The following PTPRD variants were observed in gnomAD, a reference collection of about 807,000 sequenced individuals.
PTPRD encodes receptor-type tyrosine-protein phosphatase delta.
PTPRD carries 34 observed loss-of-function variants against 214.5 expected under a neutral mutation model. The observed-to-expected ratio is 0.16, with a 90% CI of 0.12 to 0.21. The LOEUF is 0.21. Among genes scored for constraint, PTPRD ranks in the 10% least tolerant of loss-of-function variants. The pLI is 1.00. For synonymous variants in PTPRD, 1,128 were observed against 845.7 expected, an observed-to-expected ratio of 1.33 and a Z score of -5.79; for missense variants, 2,545 against 2,398.7, an observed-to-expected ratio of 1.06 and a Z score of -1.27.
intron 19 of PTPRD, among the ~76,000 whole-genome samples, 190 bp downstream of exon 19, chr9:8,523,323 T>A (rs1301918039): frequency 2.6e-5 from 4 of 151,944 alleles, no homozygotes. Flanking sequence ...AGGTACATTC[T>A]CTCCCACCAT....
chr9:10,565,867 G>A (rs2065447684), intron 2 of PTPRD, among the ~76,000 whole-genome samples: 1 of 151,640 alleles, frequency 6.6e-6, no homozygotes, highest in East Asian at 1.9e-4. Context: ...CACACAGTAT[G>A]TATAATACAT....
chr9:9,537,599 C>T (rs1385040980), intron 8 of PTPRD, among the ~76,000 whole-genome samples: 3 of 151,922 alleles, frequency 2.0e-5, no homozygotes, highest in Non-Finnish European at 4.4e-5. Context: ...GGTGCCTGTT[C>T]TTAGACTAAG....
At chr9:9,583,457 G>A (rs1352526184) in intron 7 of PTPRD, among the ~76,000 whole-genome samples, 1 of 151,952 alleles carries the variant, frequency 6.6e-6, no homozygotes, top group African/African-American at 2.4e-5. Context: ...AACGTCCTCT[G>A]AACCCTTTTT....
chr9:10,463,411 T>C (rs547353095), intron 2 of PTPRD, among the ~76,000 whole-genome samples: 20 of 152,142 alleles, frequency 1.3e-4, no homozygotes, highest in African/African-American at 4.6e-4. Flanking sequence ...ATGACAGATA[T>C]TGAAAACACA....
At chr9:8,870,848 C>A (rs539220522) in intron 11 of PTPRD, among the ~76,000 whole-genome samples, 1 of 152,242 alleles carries the variant, frequency 6.6e-6, no homozygotes, top group Middle Eastern at 3.4e-3. Context: ...TCTCTCAGAA[C>A]TTTACCCTCT....
chr9:9,749,150 C>G (rs1008529803), intron 6 of PTPRD, among the ~76,000 whole-genome samples: 2 of 152,094 alleles, frequency 1.3e-5, no homozygotes, highest in Non-Finnish European at 2.9e-5. Context: ...CCACTTCAGC[C>G]CCCTCTTGAC....
At chr9:10,478,778 A>T (rs575727911) in intron 2 of PTPRD, among the ~76,000 whole-genome samples, 1 of 151,730 alleles carries the variant, frequency 6.6e-6, no homozygotes, top group South Asian at 2.1e-4. Context: ...GTTGAGGAAA[A>T]TTTCAGAAAC....
At chr9:10,116,003 T>C (rs2098727927) in intron 3 of PTPRD, among the ~76,000 whole-genome samples, 1 of 152,094 alleles carries the variant, frequency 6.6e-6, no homozygotes, top group South Asian at 2.1e-4. Context: ...ATGAATGACT[T>C]AGATATAGGC....
intron 9 of PTPRD, among the ~76,000 whole-genome samples, chr9:9,352,659 T>C (rs1207235306): frequency 6.6e-6 from 1 of 151,844 alleles, no homozygotes; most frequent in Non-Finnish European, 1.5e-5. Flanking sequence ...ATTTACCAAA[T>C]ATGAATGTAG....
At position 8,487,103 on chromosome 9, in the gene PTPRD, T is replaced by C. The variant is rs977726804; in HGVS notation, c.2468-754A>G. On this transcript the variant is annotated intron_variant, in intron 27 of 45. Transcript: ENST00000381196. ...TTCATCAAGTTCTTCATCTGTAAAA[T>C]GGGAATTATATTAAGAGCTATTTTA... 2.0e-5 allele frequency among the ~76,000 whole-genome samples: 3 copies of C among 152,202 alleles called. No homozygotes were observed. In the South Asian group the frequency reaches 6.2e-4, roughly 31 times the overall value.
chr9:9,531,138 A>G (rs1444703596), intron 8 of PTPRD, among the ~76,000 whole-genome samples: 3 of 152,160 alleles, frequency 2.0e-5, no homozygotes, highest in Non-Finnish European at 2.9e-5. Flanking sequence ...AAATCCTCAT[A>G]TGTACCCCCA....
intron 12 of PTPRD, among the ~76,000 whole-genome samples, chr9:8,652,116 C>G (rs2096825005): frequency 6.6e-6 from 1 of 152,142 alleles, no homozygotes. Context: ...ATTTACAGCT[C>G]AGGGTATTAG....
At chr9:8,745,854 G>C (rs1282347621) in intron 11 of PTPRD, among the ~76,000 whole-genome samples, 1 of 151,964 alleles carries the variant, frequency 6.6e-6, no homozygotes, top group African/African-American at 2.4e-5. Flanking sequence ...CTGGAGTGCA[G>C]TGGCACAATC....
intron 11 of PTPRD, among the ~76,000 whole-genome samples, chr9:8,802,721 G>T (rs1018061902): frequency 6.6e-6 from 1 of 152,178 alleles, no homozygotes; most frequent in African/African-American, 2.4e-5. Context: ...TGTGGTCTTG[G>T]GGAAATTGCT....
intron 14 of PTPRD, among the ~76,000 whole-genome samples, chr9:8,597,663 C>T (rs1009160935): frequency 1.5e-4 from 23 of 152,138 alleles, no homozygotes; most frequent in African/African-American, 5.3e-4. Context: ...ATATCAATTT[C>T]ATGCTCACTG....
chr9:9,303,464 G>C (rs1956152278), intron 9 of PTPRD, among the ~76,000 whole-genome samples: 1 of 151,984 alleles, frequency 6.6e-6, no homozygotes, highest in Non-Finnish European at 1.5e-5. Context: ...TAATTCTTGG[G>C]ACAAAGTTAT....
chr9:9,523,061 G>T (rs1013095149), intron 8 of PTPRD, among the ~76,000 whole-genome samples: 1 of 152,034 alleles, frequency 6.6e-6, no homozygotes, highest in African/African-American at 2.4e-5. Flanking sequence ...ATTTATTTAT[G>T]TTGTTAAAAA....
chr9:8,886,598 C>T (rs1343104421), intron 11 of PTPRD, among the ~76,000 whole-genome samples: 4 of 152,106 alleles, frequency 2.6e-5, no homozygotes, highest in Non-Finnish European at 4.4e-5. Flanking sequence ...ATTTAAAATG[C>T]ATGGTTTAAA....
intron 39 of PTPRD, among the ~76,000 whole-genome samples, chr9:8,356,036 T>A (rs1420565832): frequency 6.6e-6 from 1 of 152,222 alleles, no homozygotes. Flanking sequence ...GGATTTTTTG[T>A]CCTTAGCAAT....
Sources: gnomAD v4.1 joint callset for allele counts (sites outside exome capture counted in the v4.1 genomes callset) on GRCh38, gnomAD v4.1.1 for gene constraint, MANE v1.5 for transcripts, NCBI Gene and HGNC (gene_info 2026-07-23, HGNC 2026-07-21) for gene names.